MAK: variants seen among roughly 807,000 people sequenced by gnomAD.
MAK encodes the protein male germ cell associated kinase.
MAK carries 65 observed loss-of-function variants against 82.6 expected under a neutral mutation model. The observed-to-expected ratio is 0.79, with a 90% CI of 0.64 to 0.97. The LOEUF is 0.97. Ranked by LOEUF, MAK falls within the 50% of genes least tolerant of loss-of-function variation. The pLI is 0.00. For synonymous variants in MAK, 250 were observed against 274.2 expected, an observed-to-expected ratio of 0.91 and a Z score of 0.87; for missense variants, 703 against 780.2, an observed-to-expected ratio of 0.90 and a Z score of 1.18.
chr6:10,800,271 A>C lies in MAK; in HGVS notation c.831+1621T>G, dbSNP rs1026426873. On this transcript the variant is annotated intron_variant, in intron 8 of 14. Coordinates refer to ENST00000354489, the MANE Select transcript of MAK (RefSeq NM_001242957.3). This position sits in a 1 kb window ranked among gnomAD's most constrained non-coding sequence, Gnocchi z 4.2. ...ACAGAAACTCCATCTCAAAAAAAAA[A>C]GAAAATACACATACACATTTCAGTA... is the stretch of plus-strand genomic sequence containing the variant. 6.6e-6 allele frequency among the ~76,000 whole-genome samples: 1 copy of C among 152,050 alleles called. No homozygotes were observed. Among genetic ancestry groups the C allele is most frequent in the African/African-American group, 2.4e-5 (1 of 41,420 alleles).
rs183966130 is a variant in MAK, at chr6:10,779,933, G to A, written c.1466-4474C>T. On this transcript the variant is annotated intron_variant, in intron 11 of 14. Transcript: ENST00000354489. Reference sequence around the variant, plus strand: ...AATTCCTGACCTCAGGTGATCCACCGGCTTTGGCCTCCCCAAAGTGCTGGG... The same window carrying A: ...AATTCCTGACCTCAGGTGATCCACCAGCTTTGGCCTCCCCAAAGTGCTGGG... Among the ~76,000 whole-genome samples, 28 of 152,174 alleles carry A rather than the reference G, an allele frequency of 1.8e-4. No individual in the cohort carries two copies. In the East Asian group the frequency reaches 2.1e-3, roughly 12 times the overall value.
At chr6:10,828,233 A>C (rs1778526871) in intron 2 of MAK, among the ~76,000 whole-genome samples, 1 of 152,184 alleles carries the variant, frequency 6.6e-6, no homozygotes, top group South Asian at 2.1e-4. Context: ...TTAGTTTGTC[A>C]TAATTTGGTT....
chr6:10,808,985 G>A (rs188750392), intron 5 of MAK, 43 bp from the exon 6 acceptor site: 35 of 1,501,562 alleles, frequency 2.3e-5, no homozygotes, highest in Admixed American at 2.0e-4. Context: ...AAATCATTAC[G>A]TTTAAACATA....
chr6:10,817,329 C>T (rs1272004041), intron 4 of MAK, among the ~76,000 whole-genome samples: 1 of 152,170 alleles, frequency 6.6e-6, no homozygotes, highest in African/African-American at 2.4e-5. Flanking sequence ...AAGACCAAAG[C>T]TCTCCCTTTA....
intron 11 of MAK, chr6:10,779,463 A>G: frequency 2.0e-6 from 2 of 985,310 alleles, no homozygotes; most frequent in Non-Finnish European, 2.4e-6. Flanking sequence ...AGTGTCACAG[A>G]TCCGCCAGTC....
chr6:10,800,208 G>A lies in MAK; in HGVS notation c.831+1684C>T, dbSNP rs1581706519. 1.3e-5 allele frequency among the ~76,000 whole-genome samples: 2 copies of A among 152,146 alleles called. No homozygotes were observed. Among genetic ancestry groups the A allele is most frequent in the South Asian group, 4.1e-4 (2 of 4,826 alleles). The stretch of plus-strand genomic sequence containing the variant: ...CTGAACCCAGGAGGCGGAGGTTGCA[G>A]TGAGTGGAGATCATGCCACTACACT... On this transcript the variant is annotated intron_variant, in intron 8 of 14. Transcript: ENST00000354489. This position sits in a 1 kb window ranked among gnomAD's most constrained non-coding sequence, Gnocchi z 4.2.
At chr6:10,799,884 C>T (rs1370896639) in intron 8 of MAK, among the ~76,000 whole-genome samples, 2 of 151,332 alleles carry the variant, frequency 1.3e-5, no homozygotes, top group African/African-American at 4.9e-5. Flanking sequence ...CCCATCTCTA[C>T]TAAAAATACA....
chr6:10,793,428 C>T lies in MAK; in HGVS notation c.1144-1581G>A, dbSNP rs115833573. Among the ~76,000 whole-genome samples the T allele has an allele frequency of 0.011, 1,676 of 152,264 alleles. 34 individuals carry two copies. Among genetic ancestry groups the T allele is most frequent in the African/African-American group, 0.037 (1,533 of 41,548 alleles). ...CAAAACAGACAACTAAACAAATACA[C>T]AGCTGGCAACAAGCTGGGCAGAATG... On this transcript the variant is annotated intron_variant, in intron 9 of 14. Coordinates refer to ENST00000354489, the MANE Select transcript of MAK (RefSeq NM_001242957.3). The surrounding 1 kb of genome is among the most constrained non-coding windows in gnomAD (Gnocchi z 4.6).
In MAK at chr6:10,791,719, G is replaced by A; in HGVS notation, c.1272C>T (p.Ser424=). The A allele has an allele frequency of 6.2e-7, 1 of 1,613,936 alleles. No individual in the cohort carries two copies. The highest frequency in any genetic ancestry group is 1.1e-5 in the South Asian group (1 of 91,078). Residue 424 remains serine, a synonymous_variant, in exon 10 of 15, where the codon AGC becomes AGT. Transcript: ENST00000354489. The part of the protein sequence containing the change: ...DFGASHSKKP[S]MGVFKEKRKK... ...TCCTTTTTTCTTTAAAAACACCCATGCTTGGCTTCTTGGAATGGGAGGCTC... is the reference window on the plus strand; with the variant it reads ...TCCTTTTTTCTTTAAAAACACCCATACTTGGCTTCTTGGAATGGGAGGCTC...
At chr6:10,830,221 G>A (rs905307035) in intron 2 of MAK, among the ~76,000 whole-genome samples, 1 of 147,550 alleles carries the variant, frequency 6.8e-6, no homozygotes, top group South Asian at 2.2e-4. Context: ...GCTGGAGTGC[G>A]GTGGCGCGAT....
intron 10 of MAK, among the ~76,000 whole-genome samples, chr6:10,787,654 C>A (rs1447740731): frequency 6.6e-6 from 1 of 151,768 alleles, no homozygotes; most frequent in Non-Finnish European, 1.5e-5. Context: ...GTCGGGAGAT[C>A]GAGACCATCC....
At chr6:10,802,123 T>TA in intron 7 of MAK, 64 bp from the exon 8 acceptor site, 4 of 1,263,476 alleles carry the variant, frequency 3.2e-6, no homozygotes, top group South Asian at 1.2e-5. Context: ...GTAATCCATT[T>TA]AAAAAACACA....
intron 8 of MAK, among the ~76,000 whole-genome samples, chr6:10,799,618 A>T (rs1327211594): frequency 1.3e-5 from 2 of 152,338 alleles, no homozygotes; most frequent in East Asian, 1.9e-4. Flanking sequence ...AAAAAATTTT[A>T]AAAAAGAAAA....
chr6:10,828,617 C>G (rs1345535342), intron 2 of MAK, among the ~76,000 whole-genome samples: 1 of 151,820 alleles, frequency 6.6e-6, no homozygotes, highest in East Asian at 1.9e-4. Flanking sequence ...ATGGCAAGAC[C>G]CCATCACTCC....
Position 10,781,457 on chromosome 6 carries a change from T to C in MAK, c.1465+2967A>G, listed in dbSNP as rs574666867. The stretch of plus-strand genomic sequence containing the variant: ...TTTTTTTTTTGAGACAGAGTCTCAC[T>C]CTGTCACCCAGGCTGGAGTGCAATG... On this transcript the variant is annotated intron_variant, in intron 11 of 14. Coordinates refer to ENST00000354489, the MANE Select transcript of MAK (RefSeq NM_001242957.3). Among the ~76,000 whole-genome samples, 6 of 141,860 alleles carry C rather than the reference T, an allele frequency of 4.2e-5. No homozygotes were observed. In the South Asian group the frequency reaches 1.4e-3, roughly 32 times the overall value. 93.1% of individuals were successfully genotyped at this position (141,860 alleles called of 152,430 possible).
intron 10 of MAK, among the ~76,000 whole-genome samples, chr6:10,790,193 A>C (rs1581685357): frequency 6.6e-6 from 1 of 152,080 alleles, no homozygotes; most frequent in African/African-American, 2.4e-5. Flanking sequence ...CAGTTCATGT[A>C]TTTTTAGGAA....
chr6:10,764,771 T>G (rs1401121172), intron 14 of MAK, among the ~76,000 whole-genome samples, 165 bp from the exon 15 acceptor site: 3 of 152,122 alleles, frequency 2.0e-5, no homozygotes, highest in Non-Finnish European at 4.4e-5. Flanking sequence ...AAAATTCTAG[T>G]GTAGTATTAT....
chr6:10,818,553 G>T (rs975302462), intron 3 of MAK, among the ~76,000 whole-genome samples: 2 of 149,924 alleles, frequency 1.3e-5, no homozygotes, highest in African/African-American at 4.9e-5. Flanking sequence ...GGTGGAGGTT[G>T]CAGTGAGCTG....
chr6:10,805,459 C>T (rs888708532), intron 6 of MAK, among the ~76,000 whole-genome samples: 1 of 151,220 alleles, frequency 6.6e-6, no homozygotes, highest in Non-Finnish European at 1.5e-5. Flanking sequence ...TAGTGGTGGG[C>T]GTCTGTAAGC....
Sources: gnomAD v4.1 joint callset for allele counts (sites outside exome capture counted in the v4.1 genomes callset) on GRCh38, gnomAD v4.1.1 for gene constraint, Gnocchi (gnomAD v3.1) non-coding constraint, MANE v1.5 for transcripts, NCBI Gene and HGNC (gene_info 2026-07-23, HGNC 2026-07-21) for gene names.